Variants in RANBP2 observed in about 807,000 individuals in gnomAD.
RANBP2 encodes RAN binding protein 2.
RANBP2 carries 57 observed loss-of-function variants against 303.6 expected under a neutral mutation model. That is an observed-to-expected ratio of 0.19 (90% confidence interval 0.15 to 0.23). RANBP2 has a LOEUF of 0.23. Ranked by LOEUF, RANBP2 falls within the 10% of genes least tolerant of loss-of-function variation. RANBP2 has a pLI of 1.00. For synonymous variants in RANBP2, 1,167 were observed against 1,301.5 expected (o/e 0.90, Z 2.23); for missense variants, 3,138 against 3,780.8 (o/e 0.83, Z 4.46).
chr2:109,476,046 A>G, the RANBP2 span, among the ~76,000 whole-genome samples: 1 of 152,006 alleles, frequency 6.6e-6, no homozygotes, highest in African/African-American at 2.4e-5. Context: ...CTGTGCCCAG[A>G]GTTAGCAGTA....
the RANBP2 span, chr2:109,614,672 C>A: frequency 6.7e-7 from 1 of 1,483,492 alleles, no homozygotes; most frequent in Non-Finnish European, 8.9e-7. Flanking sequence ...AGCTGGTGAA[C>A]GCCGTGGCCA....
chr2:108,827,598 C>T, the RANBP2 span, among the ~76,000 whole-genome samples: 3 of 151,230 alleles, frequency 2.0e-5, no homozygotes, highest in Non-Finnish European at 3.0e-5. Flanking sequence ...GGGCGGATCA[C>T]GAGGTCAGGA....
the RANBP2 span, among the ~76,000 whole-genome samples, chr2:109,472,307 G>T: frequency 6.6e-6 from 1 of 152,028 alleles, no homozygotes; most frequent in Non-Finnish European, 1.5e-5. Flanking sequence ...ACCCGGCCAG[G>T]GGCCTCCCGG....
rs546414115 is a variant in RANBP2 at position 108,749,190 on chromosome 2, C to T, written c.1273+61C>T. 8.1e-6 allele frequency: 13 copies of T among 1,609,406 alleles called. No homozygotes were observed. The Admixed American group carries it at 2.0e-4, about 25-fold the overall frequency. On this transcript the variant is annotated intron_variant, in intron 9 of 28. Coordinates refer to ENST00000283195, the MANE Select transcript of RANBP2 (RefSeq NM_006267.5). ...TTAATTCTTATAAATTGCCCATAAT[C>T]TTATTACCCAGAAATAACGACTTAA...
chr2:109,480,231 T>C, the RANBP2 span, among the ~76,000 whole-genome samples: 1 of 152,220 alleles, frequency 6.6e-6, no homozygotes, highest in African/African-American at 2.4e-5. Flanking sequence ...TGTAGCCTTG[T>C]TGATGACCAG....
chr2:109,004,678 T>G, the RANBP2 span, among the ~76,000 whole-genome samples: 1 of 152,200 alleles, frequency 6.6e-6, no homozygotes, highest in Non-Finnish European at 1.5e-5. Context: ...TAATTCACAC[T>G]CTTGGTTCTA....
the RANBP2 span, among the ~76,000 whole-genome samples, chr2:108,951,040 C>T: frequency 2.0e-5 from 3 of 152,254 alleles, no homozygotes; most frequent in Non-Finnish European, 4.4e-5. Context: ...GAAGGGGCCA[C>T]TTGTGAGGCA....
At chr2:108,875,984 CAG>C in the RANBP2 span, 1 of 657,686 alleles carries the variant, frequency 1.5e-6, no homozygotes. Flanking sequence ...TTTTTAAAAA[CAG>C]ATGCCATTTC....
the RANBP2 span, among the ~76,000 whole-genome samples, chr2:109,446,356 G>A: frequency 6.6e-6 from 1 of 152,196 alleles, no homozygotes; most frequent in East Asian, 1.9e-4. Flanking sequence ...GGGCGTTATC[G>A]TGAATTAAGC....
At chr2:109,510,335 C>T in the RANBP2 span, among the ~76,000 whole-genome samples, 28,475 of 152,080 alleles carry the variant, frequency 0.19, 3,531 homozygotes, top group Non-Finnish European at 0.27. Context: ...GGGAATGGCT[C>T]GTATGAATGT....
the RANBP2 span, among the ~76,000 whole-genome samples, chr2:109,524,444 C>CAAAAAAAAAAAAAAAAAAAAAAAAAAA: frequency 3.6e-5 from 3 of 84,406 alleles, no homozygotes; most frequent in African/African-American, 2.0e-4. Context: ...GACCCTGTCT[C>CAAAAAAAAAAAAAAAAAAAAAAAAAAA]AAAAAAAAAA....
chr2:108,871,713 T>C, the RANBP2 span, among the ~76,000 whole-genome samples: 2 of 152,222 alleles, frequency 1.3e-5, no homozygotes, highest in African/African-American at 4.8e-5. Context: ...CTACACAGAA[T>C]TGATTGACTT....
the RANBP2 span, among the ~76,000 whole-genome samples, chr2:109,397,936 A>T: frequency 6.6e-6 from 1 of 152,234 alleles, no homozygotes; most frequent in South Asian, 2.1e-4. Context: ...TGTGGGAAGG[A>T]GTCGTGTCCT....
At chr2:109,545,827 T>C in the RANBP2 span, 5 of 1,430,036 alleles carry the variant, frequency 3.5e-6, no homozygotes, top group East Asian at 1.0e-4. Context: ...TTCATTCATT[T>C]TGGCAAATAC....
At chr2:109,614,977 C>T in the RANBP2 span, 5 of 1,539,146 alleles carry the variant, frequency 3.2e-6, no homozygotes, top group African/African-American at 4.1e-5. Context: ...GACGTGCAGC[C>T]CCTACCGCGG....
chr2:108,897,230 C>G, the RANBP2 span: 1 of 1,613,442 alleles, frequency 6.2e-7, no homozygotes. Context: ...GGGCTAAGAC[C>G]TACAGACACC....
At chr2:109,206,685 G>T in the RANBP2 span, among the ~76,000 whole-genome samples, 1 of 151,946 alleles carries the variant, frequency 6.6e-6, no homozygotes, top group Admixed American at 6.6e-5. Flanking sequence ...GCATATTAGT[G>T]TATGCTTATA....
the RANBP2 span, among the ~76,000 whole-genome samples, chr2:109,341,459 T>C: frequency 6.6e-6 from 1 of 152,180 alleles, no homozygotes; most frequent in African/African-American, 2.4e-5. Context: ...CCCTCAACAG[T>C]GCTATGAAAG....
the RANBP2 span, among the ~76,000 whole-genome samples, chr2:109,603,271 G>A: frequency 2.0e-5 from 3 of 151,054 alleles, no homozygotes; most frequent in African/African-American, 4.9e-5. Flanking sequence ...GTCTCACTGT[G>A]TCACCCAGGC....
Sources: allele counts gnomAD v4.1 joint callset (sites outside exome capture counted in the v4.1 genomes callset), GRCh38; gene constraint gnomAD v4.1.1; transcripts MANE v1.5; gene names NCBI Gene and HGNC (gene_info 2026-07-23, HGNC 2026-07-21).